Variants in PDE10A observed in about 807,000 individuals in gnomAD.
PDE10A encodes the protein phosphodiesterase 10A.
PDE10A carries 39 observed loss-of-function variants against 97.7 expected under a neutral mutation model. The observed-to-expected ratio is 0.40, with a 90% CI of 0.31 to 0.52. The LOEUF (loss-of-function observed/expected upper bound fraction) is 0.52, where lower values mean the gene tolerates loss of function less well. PDE10A is among the 20% of genes least tolerant of loss of function. The pLI is 0.56. For synonymous variants in PDE10A, 371 were observed against 376.8 expected (o/e 0.98, Z 0.18); for missense variants, 731 against 1,047.8 (o/e 0.70, Z 4.17).
chr6:165,412,502 A>G (rs901898266), intron 13 of PDE10A, among the ~76,000 whole-genome samples: 3 of 152,198 alleles, frequency 2.0e-5, no homozygotes, highest in African/African-American at 7.2e-5. Flanking sequence ...TGTTTGAAGC[A>G]AAAGTGTTTG....
At chr6:165,618,479 G>A (rs898673567) in intron 1 of PDE10A, among the ~76,000 whole-genome samples, 1 of 152,180 alleles carries the variant, frequency 6.6e-6, no homozygotes, top group Non-Finnish European at 1.5e-5. Context: ...TCTCCAGGCT[G>A]CAGTTCACAC....
chr6:165,637,487 G>A (rs969904850), intron 1 of PDE10A, among the ~76,000 whole-genome samples: 5 of 152,114 alleles, frequency 3.3e-5, no homozygotes, highest in African/African-American at 7.2e-5. Flanking sequence ...ACAAGACTGC[G>A]GAAAATTTTT....
intron 18 of PDE10A, among the ~76,000 whole-genome samples, chr6:165,348,847 C>T (rs1227989367): frequency 6.6e-6 from 1 of 152,118 alleles, no homozygotes; most frequent in African/African-American, 2.4e-5. Flanking sequence ...AAGGGGCTTC[C>T]CCCTTTGCTG....
intron 5 of PDE10A, among the ~76,000 whole-genome samples, chr6:165,443,378 G>T (rs1790612872): frequency 6.6e-6 from 1 of 152,186 alleles, no homozygotes; most frequent in Admixed American, 6.5e-5. Context: ...CTCACATCCA[G>T]TGCATGCTGA....
At chr6:165,728,519 C>G (rs1488122569) in intron 1 of PDE10A, among the ~76,000 whole-genome samples, 1 of 152,156 alleles carries the variant, frequency 6.6e-6, no homozygotes, top group East Asian at 1.9e-4. Flanking sequence ...ATTCCAACTT[C>G]CCAATTATCA....
At chr6:165,566,993 A>G (rs543883900) in intron 1 of PDE10A, among the ~76,000 whole-genome samples, 1 of 152,346 alleles carries the variant, frequency 6.6e-6, no homozygotes, top group South Asian at 2.1e-4. Context: ...CATATATATT[A>G]TTACAATATT....
chr6:165,389,107 C>T (rs186346068), intron 16 of PDE10A, among the ~76,000 whole-genome samples: 28 of 152,140 alleles, frequency 1.8e-4, no homozygotes, highest in African/African-American at 5.3e-4. Flanking sequence ...AACTTGAAGG[C>T]GAGTGTGCCC....
chr6:165,884,922 A>C (rs1326106699), intron 1 of PDE10A, among the ~76,000 whole-genome samples: 1 of 152,226 alleles, frequency 6.6e-6, no homozygotes, highest in East Asian at 1.9e-4. Flanking sequence ...GGAGGGAAGA[A>C]GGGAGCAGTG....
chr6:165,618,973 T>TATA (rs1422782151), intron 1 of PDE10A, among the ~76,000 whole-genome samples: 3 of 148,990 alleles, frequency 2.0e-5, no homozygotes, highest in African/African-American at 7.4e-5. Flanking sequence ...ACTAGTGTAG[T>TATA]GTAGTCTAGT....
chr6:165,555,672 A>G (rs1784216061), intron 1 of PDE10A, among the ~76,000 whole-genome samples: 1 of 152,220 alleles, frequency 6.6e-6, no homozygotes, highest in South Asian at 2.1e-4. Context: ...AGATACATCC[A>G]TGATGCTTAT....
chr6:165,825,994 A>T (rs1415747791), intron 1 of PDE10A, among the ~76,000 whole-genome samples: 1 of 152,204 alleles, frequency 6.6e-6, no homozygotes, highest in Non-Finnish European at 1.5e-5. Context: ...GAAAAGAAGC[A>T]TTCCAAAAAG....
At chr6:165,867,187 G>A (rs1285526126) in intron 1 of PDE10A, among the ~76,000 whole-genome samples, 1 of 149,388 alleles carries the variant, frequency 6.7e-6, no homozygotes, top group Non-Finnish European at 1.5e-5. Context: ...CACCATAAAT[G>A]TAAATGGTTT....
chr6:165,683,003 A>C (rs765479493), intron 1 of PDE10A, among the ~76,000 whole-genome samples: 2 of 152,210 alleles, frequency 1.3e-5, no homozygotes, highest in Non-Finnish European at 2.9e-5. Context: ...CCCCACCGGA[A>C]TGTAAAAGTG....
intron 1 of PDE10A, among the ~76,000 whole-genome samples, chr6:165,842,497 C>G (rs1439777409): frequency 6.6e-6 from 1 of 152,250 alleles, no homozygotes; most frequent in Admixed American, 6.5e-5. Context: ...CACCCACTGA[C>G]TGTAACTTTT....
chr6:165,635,030 T>C (rs1045923580), intron 1 of PDE10A, among the ~76,000 whole-genome samples: 1 of 152,172 alleles, frequency 6.6e-6, no homozygotes. Flanking sequence ...GCCAATGAAA[T>C]AAAGATCCAT....
chr6:165,348,596 T>C (rs1782470431), intron 18 of PDE10A, among the ~76,000 whole-genome samples: 2 of 152,204 alleles, frequency 1.3e-5, no homozygotes, highest in African/African-American at 4.8e-5. Flanking sequence ...CACAGATGAT[T>C]GGTGGCCCTG....
chr6:165,608,100 ATATACATG>A (rs1409074112), intron 1 of PDE10A, among the ~76,000 whole-genome samples: 155 of 144,072 alleles, frequency 1.1e-3, no homozygotes, highest in African/African-American at 4.1e-3. Context: ...ATGTGCATAT[ATATACATG>A]TATATATATA....
intron 18 of PDE10A, among the ~76,000 whole-genome samples, chr6:165,356,363 T>C (rs904644754): frequency 6.6e-6 from 1 of 152,236 alleles, no homozygotes; most frequent in African/African-American, 2.4e-5. Flanking sequence ...CATGTGTTTA[T>C]TGGCTTTAAA....
intron 1 of PDE10A, among the ~76,000 whole-genome samples, chr6:165,868,974 C>T (rs1360747587): frequency 3.3e-5 from 5 of 151,824 alleles, no homozygotes; most frequent in African/African-American, 1.2e-4. Flanking sequence ...CCATATATGA[C>T]AAAGCCACAG....
Sources: gnomAD v4.1 joint callset for allele counts (sites outside exome capture counted in the v4.1 genomes callset) on GRCh38, gnomAD v4.1.1 for gene constraint, MANE v1.5 for transcripts, NCBI Gene and HGNC (gene_info 2026-07-23, HGNC 2026-07-21) for gene names.